MED23: variants seen among roughly 807,000 people sequenced by gnomAD.
MED23 encodes mediator complex subunit 23.
In MED23, 105 loss-of-function variants were observed where a neutral mutation model predicts 163.9. That is an observed-to-expected ratio of 0.64 (90% CI 0.55 to 0.75). The LOEUF (loss-of-function observed/expected upper bound fraction) is 0.75, where lower values mean the gene tolerates loss of function less well. Among genes scored for constraint, MED23 ranks in the 30% least tolerant of loss-of-function variants. The pLI is 0.00. For synonymous variants in MED23, 561 were observed against 565.6 expected (o/e 0.99, Z 0.12); for missense variants, 1,054 against 1,649.0 (o/e 0.64, Z 6.25).
At chr6:131,590,219 C>G (rs1297017344) in intron 27 of MED23, 103 bp downstream of exon 27, 1 of 1,100,254 alleles carries the variant, frequency 9.1e-7, no homozygotes, top group Non-Finnish European at 1.4e-6. Context: ...ACTAGTTTCA[C>G]TACTAATGGT....
chr6:131,593,304 GT>G, intron 23 of MED23, 133 bp from the exon 24 acceptor site: 2 of 1,077,048 alleles, frequency 1.9e-6, no homozygotes, highest in Non-Finnish European at 1.4e-6. Flanking sequence ...ATACAAATGA[GT>G]TTGACATGAT....
Position 131,593,234 on chromosome 6 carries a change from T to C in MED23, c.3233-63A>G. ...ATCTGATTGTCAATTTATCTGATTA[T>C]GAGCTGCCAAGAAGTGATTTGTCTA... On this transcript the variant is annotated intron_variant, in intron 23 of 28. Transcript: ENST00000368068. 4.4e-6 allele frequency: 7 copies of C among 1,595,114 alleles called. No homozygotes were observed. In the South Asian group the frequency reaches 6.7e-5, roughly 15 times the overall value.
chr6:131,580,714 G>A (rs892203171), intron 30 of MED23, among the ~76,000 whole-genome samples: 1 of 152,066 alleles, frequency 6.6e-6, no homozygotes, highest in Non-Finnish European at 1.5e-5. Context: ...AAGAACTTGA[G>A]TAAGAACATG....
rs753225247 is a variant in MED23 at position 131,602,182 on chromosome 6, C to G, written c.2095+36G>C. 27 of 1,601,150 alleles carry G rather than the reference C, an allele frequency of 1.7e-5. 1 individual carries two copies. The highest frequency in any genetic ancestry group is 2.3e-5 in the Non-Finnish European group (27 of 1,168,480). ...AGTAGAATCATGGCACACTTTAATT[C>G]ATCTGTTGTTGTTTGTAGTCACATA... On this transcript the variant is annotated intron_variant, in intron 17 of 28. Transcript: ENST00000368068.
rs751579845 is a variant in MED23 at position 131,610,143 on chromosome 6, C to T, written c.980G>A (p.Ser327Asn). ...TGAGAGATGCTGCCACAGGAGTTGG[C>T]TTGTTCCCCCATCGTCAAACTTCTC... Reference protein sequence around the residue: ...TEEKFDDGGTSQLLWQHLSSQ... With the variant: ...TEEKFDDGGTNQLLWQHLSSQ... Residue 327 changes from serine to asparagine, a missense_variant, in exon 11 of 29, where the codon AGC becomes AAC. This residue lies in a region of MED23 where 61 missense variants were observed against 154.2 expected (regional missense o/e 0.40). Transcript: ENST00000368068. 9.3e-6 allele frequency: 15 copies of T among 1,614,064 alleles called. No individual in the cohort carries two copies. The highest frequency in any genetic ancestry group is 1.3e-5 in the Non-Finnish European group (15 of 1,179,964).
intron 1 of MED23, 91 bp downstream of exon 1, chr6:131,627,920 G>C: frequency 6.6e-7 from 1 of 1,507,628 alleles, no homozygotes; most frequent in Non-Finnish European, 9.2e-7. Context: ...AGGCGTGAGA[G>C]GAGGTTGCCC....
downstream of MED23, among the ~76,000 whole-genome samples, chr6:131,584,698 C>T (rs1165377201): frequency 6.6e-6 from 1 of 151,872 alleles, no homozygotes; most frequent in Non-Finnish European, 1.5e-5. Flanking sequence ...GGAAGATATT[C>T]CTGGCTGGAT....
chr6:131,583,838 C>T (rs1774066324), downstream of MED23: 1 of 1,614,114 alleles, frequency 6.2e-7, no homozygotes, highest in Non-Finnish European at 8.5e-7. Flanking sequence ...GTTGCAATAA[C>T]CTTGGCTTGT....
intron 23 of MED23, 139 bp downstream of exon 23, chr6:131,593,960 C>G: frequency 1.5e-6 from 1 of 681,450 alleles, no homozygotes; most frequent in Non-Finnish European, 2.4e-6. Context: ...CAAATCTTTA[C>G]AGAGATGAAA....
rs1435047798 is a variant in MED23, at chr6:131,606,635, A to G, written c.1222-11T>C. On this transcript the variant is annotated splice_polypyrimidine_tract_variant and intron_variant, in intron 12 of 28. Coordinates refer to ENST00000368068, the MANE Select transcript of MED23 (RefSeq NM_004830.4). The stretch of plus-strand genomic sequence containing the variant: ...AGGAACTGGGATATACTGAAAAATA[A>G]CAATTTGAAAAATAACACAATAGAA... 1 of 1,597,414 alleles carries G rather than the reference A, an allele frequency of 6.3e-7. No homozygotes were observed. Among genetic ancestry groups the G allele is most frequent in the Admixed American group, 1.7e-5 (1 of 59,850 alleles).
Position 131,613,263 on chromosome 6 carries a change from C to T in MED23, c.876+2644G>A, listed in dbSNP as rs146199243. Among the ~76,000 whole-genome samples, 99 of 152,242 alleles carry T rather than the reference C, an allele frequency of 6.5e-4. 2 individuals carry two copies. Among genetic ancestry groups the T allele is most frequent in the African/African-American group, 2.3e-3 (96 of 41,564 alleles). ...ATTCAGCAGAAAGAATACAAACTCT[C>T]GTGTAAGCACATAAAAAAGATTTTT... On this transcript the variant is annotated intron_variant, in intron 10 of 28. Coordinates refer to ENST00000368068, the MANE Select transcript of MED23 (RefSeq NM_004830.4).
intron 13 of MED23, 130 bp from the exon 14 acceptor site, chr6:131,605,615 T>C: frequency 1.1e-6 from 1 of 880,354 alleles, no homozygotes; most frequent in Non-Finnish European, 1.7e-6. Flanking sequence ...GGTATTATAG[T>C]TTCTGTGTGA....
At position 131,574,629 on chromosome 6, in the gene MED23, T is replaced by C. The variant is rs77656388; in HGVS notation, c.4096-334A>G. Among the ~76,000 whole-genome samples the C allele has an allele frequency of 7.5e-3, 1,135 of 151,870 alleles. 16 individuals are homozygous for C. The highest frequency in any genetic ancestry group is 0.025 in the African/African-American group (1,040 of 41,234). On this transcript the variant is annotated intron_variant, in intron 30 of 30. Transcript: ENST00000354577. ...GAGAGAGATTTTTTACACTAAGTCA[T>C]AGAGTAGAGAGGATAAAATGGCCAA...
chr6:131,597,763 A>AT (rs1366076464), intron 20 of MED23, among the ~76,000 whole-genome samples: 11 of 152,156 alleles, frequency 7.2e-5, no homozygotes, highest in African/African-American at 2.4e-4. Context: ...CACAGTTGAT[A>AT]TTCAATATGT....
chr6:131,574,087 T>TTA, exon 31 of MED23: 1 of 657,950 alleles, frequency 1.5e-6, no homozygotes, highest in East Asian at 2.8e-5. Flanking sequence ...CTGGGCACAC[T>TTA]TATTCTAGTA....
intron 10 of MED23, chr6:131,615,267 C>T: frequency 3.8e-6 from 6 of 1,594,182 alleles, no homozygotes; most frequent in Non-Finnish European, 5.2e-6. Flanking sequence ...GAATCAGTGG[C>T]TACAAAGCGG....
chr6:131,578,259 A>C (rs576980872), intron 30 of MED23, among the ~76,000 whole-genome samples: 50 of 152,008 alleles, frequency 3.3e-4, no homozygotes, highest in Non-Finnish European at 5.6e-4. Flanking sequence ...CTTGTCCCTT[A>C]ACTGACAAGC....
intron 10 of MED23, among the ~76,000 whole-genome samples, chr6:131,615,066 CAAAAAA>C (rs5880072): frequency 1.5e-5 from 1 of 68,242 alleles, no homozygotes; most frequent in Non-Finnish European, 2.9e-5. Flanking sequence ...TCTTTGTTAC[CAAAAAA>C]AAAAAAAAAA....
chr6:131,587,583 T>C lies in MED23; in HGVS notation c.*96A>G. ...ATCTGAATATCATCACTGCTTCTAC[T>C]ATATCACTACAGTGTGATCGCATTC... On this transcript the variant is annotated 3_prime_UTR_variant, in exon 29 of 29. Transcript: ENST00000368068. 6.3e-7 allele frequency: 1 copy of C among 1,588,770 alleles called. No individual in the cohort carries two copies.
Sources: allele counts gnomAD v4.1 joint callset (sites outside exome capture counted in the v4.1 genomes callset), GRCh38; gene constraint gnomAD v4.1.1; regional missense constraint gnomAD v4.1.1; transcripts MANE v1.5; gene names NCBI Gene and HGNC (gene_info 2026-07-23, HGNC 2026-07-21).